FOXN3: variants seen among roughly 807,000 people sequenced by gnomAD.
FOXN3 encodes forkhead box protein N3.
FOXN3 carries 7 observed loss-of-function variants against 38.4 expected under a neutral mutation model. The observed-to-expected ratio is 0.18, with a 90% CI of 0.10 to 0.34. The LOEUF (loss-of-function observed/expected upper bound fraction) is 0.34, where lower values mean the gene tolerates loss of function less well. Ranked by LOEUF, FOXN3 falls within the 10% of genes least tolerant of loss-of-function variation. The pLI, the probability that FOXN3 is intolerant of heterozygous loss-of-function variation, is 1.00. For missense variants in FOXN3, 456 were observed against 613.4 expected, an observed-to-expected ratio of 0.74 and a Z score of 2.71; for synonymous variants, 230 against 242.2, an observed-to-expected ratio of 0.95 and a Z score of 0.47.
chr14:89,373,488 A>C (rs115184030), intron 2 of FOXN3, among the ~76,000 whole-genome samples: 5,194 of 151,502 alleles, frequency 0.034, 327 homozygotes, highest in African/African-American at 0.12. Flanking sequence ...GGGGGAGACC[A>C]ATGATGAGAT....
rs570803561 is a variant in FOXN3, at chr14:89,292,435, G to A, written c.681-11421C>T. Among the ~76,000 whole-genome samples the A allele has an allele frequency of 1.9e-4, 29 of 152,248 alleles. No homozygotes were observed. In the South Asian group the frequency reaches 5.2e-3, roughly 27 times the overall value. Reference sequence around the variant, plus strand: ...TCACCTGGGTCCCCCAGTTCCCCAGGTGCTATGGTTTGCATGTGTCCCTCC... The same window carrying A: ...TCACCTGGGTCCCCCAGTTCCCCAGATGCTATGGTTTGCATGTGTCCCTCC... On this transcript the variant is annotated intron_variant, in intron 3 of 5. Coordinates refer to ENST00000557258, the MANE Select transcript of FOXN3 (RefSeq NM_005197.4).
Position 89,162,874 on chromosome 14 carries a change from C to T in FOXN3, c.947G>A (p.Ser316Asn). The T allele has an allele frequency of 6.2e-7, 1 of 1,611,702 alleles. No homozygotes were observed. The highest frequency in any genetic ancestry group is 8.5e-7 in the Non-Finnish European group (1 of 1,179,868). The change falls in exon 6 of 6, where the codon AGC becomes AAC. Residue 316 changes from serine (S) to asparagine (N), a missense_variant. By Grantham distance (46) the Ser-to-Asn change is conservative. Coordinates refer to ENST00000557258, the MANE Select transcript of FOXN3 (RefSeq NM_005197.4). This position sits in a 1 kb window ranked among gnomAD's most constrained non-coding sequence, Gnocchi z 7.2. Reference protein sequence around the residue: ...SGDPKEDHNYSSAKSSNARST... With the variant: ...SGDPKEDHNYNSAKSSNARST... The stretch of plus-strand genomic sequence containing the variant: ...CCGGGCGTTGGAGGACTTGGCACTG[C>T]TGTAGTTGTGATCCTCCTTGGGGTC...
chr14:89,180,740 G>A lies in FOXN3; in HGVS notation c.812C>T (p.Pro271Leu), dbSNP rs778198863. ...CACCCCAATGGGAGTGATTGGCAGC[G>A]GCCGCACGCCAGGAAACAGCCCTCG... ...LSRGLFPGVRPLPITPIGVTA... is the reference protein window; with the variant it reads ...LSRGLFPGVRLLPITPIGVTA... Residue 271 changes from proline (P) to leucine (L), a missense_variant, in exon 5 of 6, where the codon CCG becomes CTG. By Grantham distance (98) the Pro-to-Leu change is moderately conservative. Coordinates refer to ENST00000557258, the MANE Select transcript of FOXN3 (RefSeq NM_005197.4). The A allele has an allele frequency of 3.7e-6, 6 of 1,611,984 alleles. No individual in the cohort carries two copies. The highest frequency in any genetic ancestry group is 2.2e-5 in the East Asian group (1 of 44,838).
intron 1 of FOXN3, among the ~76,000 whole-genome samples, chr14:89,503,900 C>T (rs749659415): frequency 1.2e-4 from 19 of 152,188 alleles, no homozygotes; most frequent in Non-Finnish European, 1.8e-4. Flanking sequence ...AAGACAGATG[C>T]GACGCCATGA....
rs147989897 is a variant in FOXN3 at position 89,563,214 on chromosome 14, T to C, written c.-15+55814A>G. Reference sequence around the variant, plus strand: ...TATAAGCCAGGACTGTCTTACATGCTTTATTAAATTAATCCTCACCAAGTA... The same window carrying C: ...TATAAGCCAGGACTGTCTTACATGCCTTATTAAATTAATCCTCACCAAGTA... On this transcript the variant is annotated intron_variant, in intron 1 of 6. Transcript: ENST00000345097. Among the ~76,000 whole-genome samples, 706 of 152,364 alleles carry C rather than the reference T, an allele frequency of 4.6e-3. 5 individuals are homozygous for C. Among genetic ancestry groups the C allele is most frequent in the African/African-American group, 0.016 (653 of 41,580 alleles).
At chr14:89,190,985 T>C (rs1887927000) in intron 4 of FOXN3, among the ~76,000 whole-genome samples, 2 of 151,538 alleles carry the variant, frequency 1.3e-5, no homozygotes. Context: ...GTGAAGGCAT[T>C]AAAAAAAAGC....
chr14:89,260,019 T>TTC (rs1271969964), intron 4 of FOXN3, among the ~76,000 whole-genome samples: 3 of 152,226 alleles, frequency 2.0e-5, no homozygotes, highest in Non-Finnish European at 2.9e-5. Context: ...GTCTATGGGA[T>TTC]TCTCTACAAG....
chr14:89,170,843 T>C (rs1396378011), intron 5 of FOXN3, among the ~76,000 whole-genome samples: 4 of 151,958 alleles, frequency 2.6e-5, no homozygotes, highest in Non-Finnish European at 5.9e-5. Flanking sequence ...ATAATTAAAA[T>C]AAATATACCA....
chr14:89,352,135 A>T, intron 2 of FOXN3, among the ~76,000 whole-genome samples: 1 of 152,246 alleles, frequency 6.6e-6, no homozygotes, highest in East Asian at 1.9e-4. Flanking sequence ...CCCCACGTGC[A>T]GGCCTGACCC....
chr14:89,372,497 C>T (rs1017467443), intron 2 of FOXN3, among the ~76,000 whole-genome samples: 5 of 152,164 alleles, frequency 3.3e-5, no homozygotes, highest in African/African-American at 9.7e-5. Flanking sequence ...CAAAATCTTA[C>T]CTGAGCCACT....
chr14:89,458,574 T>C (rs1036906779), intron 1 of FOXN3, among the ~76,000 whole-genome samples: 2 of 152,236 alleles, frequency 1.3e-5, no homozygotes, highest in African/African-American at 4.8e-5. Context: ...GGAGATACAA[T>C]GTGAACTGGG....
intron 4 of FOXN3, among the ~76,000 whole-genome samples, chr14:89,251,084 A>C (rs1424706474): frequency 6.6e-6 from 1 of 152,214 alleles, no homozygotes; most frequent in Non-Finnish European, 1.5e-5. Flanking sequence ...GAAATGGCTG[A>C]AGAAAAAGAT....
chr14:89,161,404 T>C lies in FOXN3; in HGVS notation c.*1010A>G, dbSNP rs1193995808. On this transcript the variant is annotated 3_prime_UTR_variant, in exon 6 of 6. Transcript: ENST00000557258. ...TTCTAGTTTTTTTTTTTTTTTCACT[T>C]GGATCAAATAGTTTTGATAGACAGA... The C allele has an allele frequency of 6.6e-6, 1 of 151,654 alleles. No individual in the cohort carries two copies. Among genetic ancestry groups the C allele is most frequent in the East Asian group, 1.9e-4 (1 of 5,194 alleles). The allele number at this position is 151,654 out of a possible 1,614,324, so 9.4% of individuals were successfully genotyped here. A position where few individuals can be genotyped will look rare whatever the true frequency, so the allele number is the denominator to read the frequency against.
At chr14:89,360,182 C>T (rs562342355) in intron 2 of FOXN3, among the ~76,000 whole-genome samples, 9 of 152,234 alleles carry the variant, frequency 5.9e-5, no homozygotes, top group Middle Eastern at 3.4e-3. Context: ...CCTCCCCTCC[C>T]GCCAAAACTG....
chr14:89,301,493 G>A (rs114283043), intron 3 of FOXN3, among the ~76,000 whole-genome samples: 1,699 of 150,164 alleles, frequency 0.011, 24 homozygotes, highest in African/African-American at 0.04. Flanking sequence ...AATGTGGTGG[G>A]GCTCGGTGGC....
rs1887031422 is a variant in FOXN3, at chr14:89,158,628, G to A, written c.*3786C>T. Reference sequence around the variant, plus strand: ...GAGCTTATGGTATATTATAAGGCTGGGAAAAATCTATGATGCAAACCCTTT... The same window carrying A: ...GAGCTTATGGTATATTATAAGGCTGAGAAAAATCTATGATGCAAACCCTTT... On this transcript the variant is annotated 3_prime_UTR_variant, in exon 6 of 6. Coordinates refer to ENST00000557258, the MANE Select transcript of FOXN3 (RefSeq NM_005197.4). 1 of 152,320 alleles carries A rather than the reference G, an allele frequency of 6.6e-6. No homozygotes were observed. The highest frequency in any genetic ancestry group is 2.4e-5 in the African/African-American group (1 of 41,320). The allele number at this position is 152,320 out of a possible 1,614,324, so 9.4% of individuals were successfully genotyped here.
chr14:89,452,155 C>G (rs1350664214), intron 1 of FOXN3, among the ~76,000 whole-genome samples: 1 of 152,128 alleles, frequency 6.6e-6, no homozygotes, highest in Non-Finnish European at 1.5e-5. Flanking sequence ...AAAGCAGGGA[C>G]CCTGTGCCCC....
At position 89,251,848 on chromosome 14, in the gene FOXN3, A is replaced by G. The variant is rs182162149; in HGVS notation, c.745+29102T>C. On this transcript the variant is annotated intron_variant, in intron 4 of 5. Coordinates refer to ENST00000557258, the MANE Select transcript of FOXN3 (RefSeq NM_005197.4). ...ATGGGAAATGCAAAGGTGTCTTTAC[A>G]TGTGGTCCCTGACCTCAAAGCACAA... 7.2e-5 allele frequency among the ~76,000 whole-genome samples: 11 copies of G among 152,350 alleles called. No individual in the cohort carries two copies. The East Asian group carries it at 2.1e-3, about 29-fold the overall frequency.
intron 1 of FOXN3, among the ~76,000 whole-genome samples, chr14:89,598,091 T>C (rs1896094200): frequency 6.6e-6 from 1 of 152,158 alleles, no homozygotes; most frequent in Non-Finnish European, 1.5e-5. Context: ...AAAGATTATC[T>C]AAACTTTAAA....
Sources: gnomAD v4.1 joint callset for allele counts (sites outside exome capture counted in the v4.1 genomes callset) on GRCh38, gnomAD v4.1.1 for gene constraint, Gnocchi (gnomAD v3.1) non-coding constraint, MANE v1.5 for transcripts, NCBI Gene and HGNC (gene_info 2026-07-23, HGNC 2026-07-21) for gene names.